Variants in ARID4B observed in about 807,000 individuals in gnomAD.
The protein encoded by ARID4B is AT-rich interaction domain 4B, also known as AT-rich interactive domain-containing protein 4B.
Under a neutral mutation model 147.5 loss-of-function variants are expected in ARID4B, and 26 were observed. The ratio of observed to expected loss-of-function variants is 0.18; its 90% CI spans 0.13 to 0.24. The LOEUF is 0.24. ARID4B is among the 10% of genes least tolerant of loss of function. The pLI, the probability that ARID4B is intolerant of heterozygous loss-of-function variation, is 1.00. For synonymous variants in ARID4B, 512 were observed against 507.9 expected (o/e 1.01, Z -0.11); for missense variants, 1,179 against 1,511.5 (o/e 0.78, Z 3.65).
At chr1:235,195,702 A>G (rs1196924904) in intron 18 of ARID4B, among the ~76,000 whole-genome samples, 1 of 152,214 alleles carries the variant, frequency 6.6e-6, no homozygotes, top group African/African-American at 2.4e-5. Flanking sequence ...GGAATGGTTT[A>G]CAGCTACAAT....
chr1:235,226,019 T>C (rs1667805083), intron 11 of ARID4B, among the ~76,000 whole-genome samples: 1 of 152,230 alleles, frequency 6.6e-6, no homozygotes, highest in Non-Finnish European at 1.5e-5. Flanking sequence ...ATTTTCTAGA[T>C]GTTATCTTAA....
At chr1:235,241,768 C>T (rs767473288) in intron 7 of ARID4B, among the ~76,000 whole-genome samples, 15 of 151,880 alleles carry the variant, frequency 9.9e-5, no homozygotes, top group Non-Finnish European at 1.9e-4. Flanking sequence ...CCGCCCACCT[C>T]GCCTCCCAAA....
At chr1:235,319,127 AAAAC>A (rs1254992036) in intron 2 of ARID4B, among the ~76,000 whole-genome samples, 1 of 152,234 alleles carries the variant, frequency 6.6e-6, no homozygotes, top group Non-Finnish European at 1.5e-5. Flanking sequence ...CATCTCTAAA[AAAAC>A]AAACAAAAGA....
intron 2 of ARID4B, among the ~76,000 whole-genome samples, chr1:235,261,671 G>C (rs980689577): frequency 6.6e-6 from 1 of 152,154 alleles, no homozygotes; most frequent in Non-Finnish European, 1.5e-5. Flanking sequence ...TAATAGGAGG[G>C]ATTCGCTGGA....
chr1:235,321,021 A>C (rs1674776851), intron 2 of ARID4B, among the ~76,000 whole-genome samples: 2 of 152,150 alleles, frequency 1.3e-5, no homozygotes, highest in South Asian at 4.1e-4. Flanking sequence ...GTAGAAAGTA[A>C]ACTCCACGAG....
intron 9 of ARID4B, among the ~76,000 whole-genome samples, chr1:235,234,172 A>G (rs1237493975): frequency 6.6e-6 from 1 of 152,242 alleles, no homozygotes; most frequent in Admixed American, 6.5e-5. Context: ...GTGTTGACAA[A>G]TTAGACAGTA....
chr1:235,298,446 C>T lies in ARID4B; in HGVS notation c.6+28468G>A, dbSNP rs540925857. Among the ~76,000 whole-genome samples the T allele has an allele frequency of 3.4e-5, 5 of 149,036 alleles. No individual in the cohort carries two copies. The East Asian group carries it at 5.9e-4, about 18-fold the overall frequency. On this transcript the variant is annotated intron_variant, in intron 2 of 23. Transcript: ENST00000264183. ...TATATTTAGTCTAAAAATCAATTAC[C>T]GTATTACATTATATATATCCATATA... is the stretch of plus-strand genomic sequence containing the variant.
chr1:235,261,139 G>GA (rs1481594447), intron 2 of ARID4B, among the ~76,000 whole-genome samples: 8 of 152,060 alleles, frequency 5.3e-5, no homozygotes, highest in African/African-American at 1.9e-4. Flanking sequence ...GGGTGGGGGG[G>GA]AAATCTTCTA....
intron 23 of ARID4B, among the ~76,000 whole-genome samples, chr1:235,169,508 C>T (rs565918383): frequency 3.3e-5 from 5 of 151,372 alleles, no homozygotes; most frequent in East Asian, 2.0e-4. Context: ...CCCAAAATGC[C>T]GGGATTACAG....
intron 2 of ARID4B, among the ~76,000 whole-genome samples, chr1:235,278,892 CT>C (rs971681636): frequency 5.9e-5 from 9 of 152,136 alleles, no homozygotes; most frequent in Non-Finnish European, 1.2e-4. Flanking sequence ...CCAAAGTATG[CT>C]CCCAGGACCA....
chr1:235,194,323 T>A, intron 18 of ARID4B, 112 bp from the exon 19 acceptor site: 1 of 869,764 alleles, frequency 1.1e-6, no homozygotes. Context: ...ATATTTAACA[T>A]AAAAAGAAAG....
chr1:235,222,123 G>A (rs1667515381), intron 13 of ARID4B, among the ~76,000 whole-genome samples: 1 of 151,790 alleles, frequency 6.6e-6, no homozygotes, highest in Admixed American at 6.6e-5. Flanking sequence ...TGTTGCCCAG[G>A]CGGGTCTCAA....
At chr1:235,305,324 C>A (rs1673467401) in intron 2 of ARID4B, among the ~76,000 whole-genome samples, 1 of 152,160 alleles carries the variant, frequency 6.6e-6, no homozygotes, top group South Asian at 2.1e-4. Context: ...CCACGTCAGA[C>A]CTCTGACTTC....
intron 5 of ARID4B, among the ~76,000 whole-genome samples, chr1:235,255,287 C>CTCTATA (rs1553304420): frequency 3.9e-4 from 53 of 136,612 alleles, no homozygotes; most frequent in African/African-American, 1.3e-3. Flanking sequence ...CTCTCTCTCT[C>CTCTATA]TATATATATA....
intron 2 of ARID4B, among the ~76,000 whole-genome samples, chr1:235,265,131 T>C (rs1670523012): frequency 6.7e-6 from 1 of 150,072 alleles, no homozygotes; most frequent in African/African-American, 2.5e-5. Context: ...TTTGGGAGGC[T>C]GAGGCAGGTG....
At chr1:235,234,359 A>G in intron 9 of ARID4B, 54 bp downstream of exon 9, 1 of 1,153,464 alleles carries the variant, frequency 8.7e-7, no homozygotes, top group Non-Finnish European at 1.3e-6. Flanking sequence ...CCTAATTCAA[A>G]ATAACAGCAT....
intron 22 of ARID4B, among the ~76,000 whole-genome samples, chr1:235,174,530 G>A (rs1269614070): frequency 6.6e-6 from 1 of 152,068 alleles, no homozygotes; most frequent in African/African-American, 2.4e-5. Context: ...GCTGGGCATG[G>A]TGGCTCATGC....
intron 2 of ARID4B, among the ~76,000 whole-genome samples, chr1:235,292,955 A>G (rs1317026478): frequency 1.3e-5 from 2 of 152,212 alleles, no homozygotes; most frequent in African/African-American, 4.8e-5. Flanking sequence ...GTGGATTCAA[A>G]TGAATACGTA....
intron 2 of ARID4B, among the ~76,000 whole-genome samples, chr1:235,325,195 C>T (rs1443555132): frequency 2.6e-5 from 4 of 151,946 alleles, no homozygotes; most frequent in Admixed American, 6.6e-5. Context: ...GTAACTTTTT[C>T]CTTTTAACGT....
Sources: gnomAD v4.1 joint callset for allele counts (sites outside exome capture counted in the v4.1 genomes callset) on GRCh38, gnomAD v4.1.1 for gene constraint, MANE v1.5 for transcripts, NCBI Gene and HGNC (gene_info 2026-07-23, HGNC 2026-07-21) for gene names.